The following CAPS2 variants were observed in gnomAD, a reference collection of about 807,000 sequenced individuals.
CAPS2 encodes calcyphosin-2.
A neutral mutation model predicts 86.5 loss-of-function variants in CAPS2; 98 were observed. That is an observed-to-expected ratio of 1.13 (90% CI 0.96 to 1.34). The LOEUF is 1.34. Among genes scored for constraint, CAPS2 ranks in the 40% most tolerant of loss-of-function variants. The probability of loss-of-function intolerance (pLI) is 0.00; values close to 1 mark genes in which losing one functional copy is unlikely to be tolerated. For missense variants in CAPS2, 729 were observed against 686.8 expected (o/e 1.06, Z -0.69); for synonymous variants, 210 against 225.1 (o/e 0.93, Z 0.60).
intron 1 of CAPS2, among the ~76,000 whole-genome samples, chr12:75,357,484 G>T (rs1309842074): frequency 6.6e-6 from 1 of 152,028 alleles, no homozygotes; most frequent in East Asian, 1.9e-4. Context: ...TAGGGATATA[G>T]AGTTGAACAC....
chr12:75,290,581 T>C (rs143426208), intron 13 of CAPS2, among the ~76,000 whole-genome samples: 2 of 152,274 alleles, frequency 1.3e-5, no homozygotes, highest in Non-Finnish European at 2.9e-5. Flanking sequence ...CTTCTTACTG[T>C]GAGCCCCTTA....
exon 17 of CAPS2, chr12:75,278,779 C>A: frequency 7.5e-7 from 1 of 1,329,312 alleles, no homozygotes. Context: ...AACAAGAAAC[C>A]AGAATAAAGG....
At chr12:75,388,196 G>A (rs1251791397) in intron 1 of CAPS2, among the ~76,000 whole-genome samples, 4 of 152,146 alleles carry the variant, frequency 2.6e-5, no homozygotes, top group African/African-American at 9.7e-5. Context: ...CCCTGCACAT[G>A]GTCTCTTGGC....
At chr12:75,349,375 A>C (rs543671033) in intron 1 of CAPS2, among the ~76,000 whole-genome samples, 3 of 152,330 alleles carry the variant, frequency 2.0e-5, no homozygotes, top group East Asian at 1.9e-4. Context: ...TAACAACAAC[A>C]ACAGCAAAAA....
chr12:75,355,167 G>T (rs1453463110), intron 1 of CAPS2, among the ~76,000 whole-genome samples: 1 of 152,134 alleles, frequency 6.6e-6, no homozygotes, highest in Non-Finnish European at 1.5e-5. Context: ...CACAGCAAAA[G>T]AAACTATCAT....
chr12:75,308,902 CAAA>C (rs10634496), intron 7 of CAPS2, among the ~76,000 whole-genome samples: 1 of 98,194 alleles, frequency 1.0e-5, no homozygotes, highest in Non-Finnish European at 1.9e-5. Flanking sequence ...GACTCGGTCT[CAAA>C]AAAAAAAAAA....
chr12:75,341,947 C>T (rs959870720), intron 1 of CAPS2, among the ~76,000 whole-genome samples: 18 of 151,920 alleles, frequency 1.2e-4, no homozygotes, highest in African/African-American at 3.9e-4. Flanking sequence ...GGGGTTTCAC[C>T]CTGTTGGCCA....
At chr12:75,369,384 A>T (rs1353021133) in intron 1 of CAPS2, 1 of 321,572 alleles carries the variant, frequency 3.1e-6, no homozygotes, top group Non-Finnish European at 4.5e-6. Context: ...AAGGGATTTT[A>T]TTTTTTGCTG....
At chr12:75,316,541 C>T in intron 5 of CAPS2, 107 bp from the exon 6 acceptor site, 1 of 1,039,744 alleles carries the variant, frequency 9.6e-7, no homozygotes. Context: ...ACTATTTGTA[C>T]AACAGTTAAA....
intron 8 of CAPS2, among the ~76,000 whole-genome samples, chr12:75,300,510 C>CT: frequency 7.5e-6 from 1 of 132,834 alleles, no homozygotes; most frequent in Non-Finnish European, 1.5e-5. Flanking sequence ...GAGCCGAGAT[C>CT]GCGCCACTGC....
At chr12:75,278,918 T>C (rs1358985876) in exon 17 of CAPS2, 3 of 1,595,394 alleles carry the variant, frequency 1.9e-6, no homozygotes, top group Non-Finnish European at 2.6e-6. Flanking sequence ...ACGTAAGATG[T>C]TAACAAAGTC....
At chr12:75,353,576 G>A (rs1451699804) in intron 1 of CAPS2, among the ~76,000 whole-genome samples, 1 of 152,178 alleles carries the variant, frequency 6.6e-6, no homozygotes, top group Non-Finnish European at 1.5e-5. Flanking sequence ...ACAAAGAGGA[G>A]CTGATACCCT....
chr12:75,370,239 A>G, intron 1 of CAPS2: 1 of 826,674 alleles, frequency 1.2e-6, no homozygotes, highest in Non-Finnish European at 2.0e-6. Context: ...ATTGCTTAAT[A>G]TAACTTATCA....
At chr12:75,384,197 T>C (rs1317876742) in intron 1 of CAPS2, among the ~76,000 whole-genome samples, 1 of 151,880 alleles carries the variant, frequency 6.6e-6, no homozygotes, top group Non-Finnish European at 1.5e-5. Flanking sequence ...ACAAAATTAA[T>C]AGAGAAAATT....
chr12:75,326,201 A>T (rs996954308), intron 1 of CAPS2, among the ~76,000 whole-genome samples: 1 of 152,072 alleles, frequency 6.6e-6, no homozygotes, highest in Admixed American at 6.5e-5. Context: ...TAACAATAAT[A>T]ATACAATAAG....
At chr12:75,359,310 T>C (rs1242680586) in intron 1 of CAPS2, among the ~76,000 whole-genome samples, 2 of 144,642 alleles carry the variant, frequency 1.4e-5, no homozygotes, top group African/African-American at 5.1e-5. Flanking sequence ...AATAGCGACA[T>C]ATATGTTGTT....
At chr12:75,342,122 G>C (rs1026713580) in intron 1 of CAPS2, among the ~76,000 whole-genome samples, 4 of 152,214 alleles carry the variant, frequency 2.6e-5, no homozygotes, top group African/African-American at 7.2e-5. Context: ...GTTAAAGATA[G>C]TGTGGGTAGT....
chr12:75,304,139 T>G (rs182698610), intron 8 of CAPS2, among the ~76,000 whole-genome samples: 1 of 152,174 alleles, frequency 6.6e-6, no homozygotes, highest in East Asian at 1.9e-4. Context: ...TCCAAATATT[T>G]AAATGGATAA....
chr12:75,351,573 G>A (rs1303274065), intron 1 of CAPS2, among the ~76,000 whole-genome samples: 1 of 149,826 alleles, frequency 6.7e-6, no homozygotes, highest in African/African-American at 2.5e-5. Flanking sequence ...TTGAGATGGA[G>A]TCCCACTCTG....
Sources: gnomAD v4.1 joint callset for allele counts (sites outside exome capture counted in the v4.1 genomes callset) on GRCh38, gnomAD v4.1.1 for gene constraint, MANE v1.5 for transcripts, NCBI Gene and HGNC (gene_info 2026-07-23, HGNC 2026-07-21) for gene names.